Variants in MICAL3 observed in about 807,000 individuals in gnomAD.
MICAL3 encodes the protein microtubule associated monooxygenase, calponin and LIM domain containing 3.
In MICAL3, 62 loss-of-function variants were observed where a neutral mutation model predicts 207.4. The ratio of observed to expected loss-of-function variants is 0.30; its 90% CI spans 0.24 to 0.37. The LOEUF is 0.37. MICAL3 is among the 10% of genes least tolerant of loss of function. The pLI is 1.00. For synonymous variants in MICAL3, 1,077 were observed against 1,069.3 expected (o/e 1.01, Z -0.14); for missense variants, 2,368 against 2,635.6 (o/e 0.90, Z 2.22).
At chr22:17,814,774 C>T (rs2062085011) in intron 27 of MICAL3, 1 of 152,014 alleles carries the variant, frequency 6.6e-6, no homozygotes, top group South Asian at 2.1e-4. Flanking sequence ...GCTTGGCCAT[C>T]CCATAGGTCA....
chr22:17,968,624 C>G (rs556623612), intron 1 of MICAL3, among the ~76,000 whole-genome samples: 1 of 152,078 alleles, frequency 6.6e-6, no homozygotes. Context: ...AACTGAGAGC[C>G]GATACTCAAA....
chr22:17,902,795 G>A lies in MICAL3; in HGVS notation c.473-48C>T, dbSNP rs753596205. On this transcript the variant is annotated intron_variant, in intron 3 of 31. Coordinates refer to ENST00000441493, the MANE Select transcript of MICAL3 (RefSeq NM_015241.3). This position sits in a 1 kb window ranked among gnomAD's most constrained non-coding sequence, Gnocchi z 4.5. ...TTGATGGGAACACATGGAGAAGGGGGTACCCATCCGTGTCGCAGCTCAGGC... is the reference window on the plus strand; with the variant it reads ...TTGATGGGAACACATGGAGAAGGGGATACCCATCCGTGTCGCAGCTCAGGC... The A allele has an allele frequency of 7.5e-6, 9 of 1,194,012 alleles. No individual in the cohort carries two copies. In the South Asian group the frequency reaches 1.2e-4, roughly 16 times the overall value. 74.0% of individuals were successfully genotyped at this position (1,194,012 alleles called of 1,614,324 possible). A position where few individuals can be genotyped will look rare whatever the true frequency, so the allele number is the denominator to read the frequency against.
intron 1 of MICAL3, among the ~76,000 whole-genome samples, chr22:17,938,538 T>C (rs1304052719): frequency 6.6e-6 from 1 of 152,218 alleles, no homozygotes; most frequent in Non-Finnish European, 1.5e-5. Context: ...GCTGGGATTC[T>C]GTGCATTCCT....
At chr22:17,843,980 G>T (rs1270388206) in intron 19 of MICAL3, among the ~76,000 whole-genome samples, 1 of 152,142 alleles carries the variant, frequency 6.6e-6, no homozygotes, top group Admixed American at 6.5e-5. Context: ...CCGAGTAGCT[G>T]GGACTACGGG....
rs1569077024 is a variant in MICAL3 at position 17,816,762 on chromosome 22, C to T, written c.5373G>A (p.Leu1791=). 1 of 1,551,094 alleles carries T rather than the reference C, an allele frequency of 6.4e-7. No individual in the cohort carries two copies. Among genetic ancestry groups the T allele is most frequent in the African/African-American group, 1.4e-5 (1 of 73,204 alleles). The part of the protein sequence containing the change: ...VRAELQLRRQ[L]SFSEDSDLSS... ...AGAGGTCTGAGTCCTCGGAGAAGCT[C>T]AGCTGGCGCCGGAGCTGCAGCTCTG... The change falls in exon 27 of 32, where the codon CTG becomes CTA. Residue 1791 remains leucine (L), a synonymous_variant. Transcript: ENST00000441493.
intron 27 of MICAL3, chr22:17,813,975 A>C (rs2062075912): frequency 6.6e-6 from 1 of 152,246 alleles, no homozygotes; most frequent in South Asian, 2.1e-4. Context: ...GAATTATCCT[A>C]AATTTTCTAT....
At chr22:17,937,945 G>A (rs1227856980) in intron 1 of MICAL3, among the ~76,000 whole-genome samples, 1 of 152,182 alleles carries the variant, frequency 6.6e-6, no homozygotes, top group African/African-American at 2.4e-5. Flanking sequence ...TATATTTCAA[G>A]GTCAGATGTC....
chr22:17,938,657 C>T (rs1933661939), intron 1 of MICAL3, among the ~76,000 whole-genome samples: 1 of 152,148 alleles, frequency 6.6e-6, no homozygotes, highest in South Asian at 2.1e-4. Context: ...TAAGCTGATG[C>T]TTTGATACCC....
intron 16 of MICAL3, chr22:17,875,476 C>G: frequency 1.3e-6 from 2 of 1,537,300 alleles, no homozygotes; most frequent in South Asian, 2.4e-5. Context: ...GAGGGAGAGG[C>G]GGGGCGGGCA....
intron 21 of MICAL3, among the ~76,000 whole-genome samples, chr22:17,828,810 A>C (rs1429125081): frequency 2.0e-5 from 3 of 152,220 alleles, no homozygotes; most frequent in Non-Finnish European, 4.4e-5. Flanking sequence ...GTGCCACCTG[A>C]TCTGAAGGAT....
Position 17,858,424 on chromosome 22 carries a change from G to A in MICAL3, c.2605+6475C>T, listed in dbSNP as rs1414692623. On this transcript the variant is annotated intron_variant, in intron 19 of 31. Coordinates refer to ENST00000441493, the MANE Select transcript of MICAL3 (RefSeq NM_015241.3). ...GTAAGGGCTGGTTTTTGAGTCTAAA[G>A]GAGGTTTCAGGGCTTCGTGAAAGGG... 4 of 981,634 alleles carry A rather than the reference G, an allele frequency of 4.1e-6. No individual in the cohort carries two copies. In the East Asian group the frequency reaches 4.5e-4, roughly 111 times the overall value. The allele number at this position is 981,634 out of a possible 1,614,324, so 60.8% of individuals were successfully genotyped here.
In MICAL3 at chr22:17,796,105, C is replaced by A. The variant is rs1300138623; in HGVS notation, c.5651-4804G>T. 2.0e-5 allele frequency among the ~76,000 whole-genome samples: 3 copies of A among 152,326 alleles called. No individual in the cohort carries two copies. The highest frequency in any genetic ancestry group is 7.2e-5 in the African/African-American group (3 of 41,566). On this transcript the variant is annotated intron_variant, in intron 29 of 31. Coordinates refer to ENST00000441493, the MANE Select transcript of MICAL3 (RefSeq NM_015241.3). This position sits in a 1 kb window ranked among gnomAD's most constrained non-coding sequence, Gnocchi z 4.4. ...CCACTTCTCAAAGCACTCCTGCGTG[C>A]CCTGGGCGCTGGCCACCCCTCCTGA...
intron 1 of MICAL3, among the ~76,000 whole-genome samples, chr22:17,925,872 C>T (rs963311385): frequency 2.6e-5 from 4 of 152,344 alleles, no homozygotes; most frequent in Non-Finnish European, 5.9e-5. Context: ...ATTGTCCCTT[C>T]CTCCTGACAG....
intron 1 of MICAL3, among the ~76,000 whole-genome samples, chr22:17,990,038 A>C (rs1921485204): frequency 6.6e-6 from 1 of 152,040 alleles, no homozygotes; most frequent in Non-Finnish European, 1.5e-5. Flanking sequence ...GGGCAACACA[A>C]CACGTGGAAA....
intron 1 of MICAL3, among the ~76,000 whole-genome samples, chr22:18,007,847 C>CG (rs1268659055): frequency 3.2e-5 from 4 of 125,288 alleles, no homozygotes; most frequent in Non-Finnish European, 6.3e-5. Flanking sequence ...GGCGTGAACC[C>CG]GGGGGGTGGA....
intron 28 of MICAL3, among the ~76,000 whole-genome samples, chr22:17,810,441 G>A (rs556437409): frequency 2.3e-4 from 35 of 151,450 alleles, no homozygotes; most frequent in Middle Eastern, 3.4e-3. Flanking sequence ...GAAGTGATCC[G>A]CCTGCCTCAG....
At chr22:17,801,610 C>T (rs939250386) in intron 29 of MICAL3, among the ~76,000 whole-genome samples, 15 of 151,612 alleles carry the variant, frequency 9.9e-5, no homozygotes, top group African/African-American at 3.1e-4. Context: ...GCAGGAGATG[C>T]GGGCTGGGCG....
intron 22 of MICAL3, among the ~76,000 whole-genome samples, chr22:17,824,424 T>G (rs531475624): frequency 2.0e-5 from 3 of 152,340 alleles, no homozygotes; most frequent in East Asian, 3.9e-4. Context: ...AGTAGCATCT[T>G]CTCTCCACAG....
chr22:17,817,913 G>T lies in MICAL3; in HGVS notation c.4748C>A (p.Pro1583His), dbSNP rs560819207. ...GTLQPQKRGLPLVSAEAKELA... is the reference protein window; with the variant it reads ...GTLQPQKRGLHLVSAEAKELA... ...CTCCTTGGCTTCCGCGGACACCAAG[G>T]GCAGCCCCCTCTTCTGTGGCTGCAG... Residue 1583 changes from proline to histidine, a missense_variant, in exon 26 of 32, where the codon CCC (proline) becomes CAC (histidine). By Grantham distance (77) the Pro-to-His change is moderately conservative (BLOSUM62 -2). Around this residue, in one of 4 missense-constraint regions of MICAL3, gnomAD observed 1,770 missense variants for 1,863.2 expected, o/e 0.95. Transcript: ENST00000441493. The T allele has an allele frequency of 1.4e-5, 23 of 1,612,512 alleles. No individual in the cohort carries two copies. Among genetic ancestry groups the T allele is most frequent in the Non-Finnish European group, 1.9e-5 (22 of 1,179,776 alleles).
Sources: gnomAD v4.1 joint callset for allele counts (sites outside exome capture counted in the v4.1 genomes callset) on GRCh38, gnomAD v4.1.1 for gene constraint, gnomAD v4.1.1 regional missense constraint, Gnocchi (gnomAD v3.1) non-coding constraint, MANE v1.5 for transcripts, NCBI Gene and HGNC (gene_info 2026-07-23, HGNC 2026-07-21) for gene names.